Variants in EMILIN2 observed in about 807,000 individuals in gnomAD.
EMILIN2 encodes EMILIN-2.
Under a neutral mutation model 87.1 loss-of-function variants are expected in EMILIN2, and 71 were observed. That is an observed-to-expected ratio of 0.82 (90% confidence interval 0.67 to 0.99). EMILIN2 has a LOEUF of 0.99. Ranked by LOEUF, EMILIN2 falls within the 50% of genes least tolerant of loss-of-function variation. The pLI is 0.00. For missense variants in EMILIN2, 1,407 were observed against 1,371.8 expected (o/e 1.03, Z -0.40); for synonymous variants, 581 against 563.4 (o/e 1.03, Z -0.44).
intron 2 of EMILIN2, among the ~76,000 whole-genome samples, chr18:2,858,559 A>ATGTGTGTGTGTGTG (rs2076641616): frequency 1.5e-5 from 1 of 67,180 alleles, no homozygotes; most frequent in African/African-American, 1.2e-4. Context: ...ATATATATAT[A>ATGTGTGTGTGTGTG]TATATATATA....
intron 2 of EMILIN2, among the ~76,000 whole-genome samples, chr18:2,871,560 G>A (rs188433741): frequency 1.1e-3 from 164 of 152,316 alleles, no homozygotes; most frequent in Admixed American, 2.4e-3. Flanking sequence ...GCCTGGGACC[G>A]CAGTTCCTCC....
chr18:2,914,188 T>C lies in EMILIN2; in HGVS notation c.*784T>C, dbSNP rs1255076475. 6.6e-6 allele frequency: 1 copy of C among 152,454 alleles called. No homozygotes were observed. The highest frequency in any genetic ancestry group is 2.4e-5 in the African/African-American group (1 of 41,432). 9.4% of individuals were successfully genotyped at this position (152,454 alleles called of 1,614,324 possible). On this transcript the variant is annotated 3_prime_UTR_variant, in exon 8 of 8. Coordinates refer to ENST00000254528, the MANE Select transcript of EMILIN2 (RefSeq NM_032048.3). The stretch of plus-strand genomic sequence containing the variant: ...CTACAGAAAGTAACCTTGAGTAAAA[T>C]TAATCTCAGCTACAAAACTGTTACC...
chr18:2,898,600 G>A (rs1388250564), intron 4 of EMILIN2, among the ~76,000 whole-genome samples: 2 of 152,144 alleles, frequency 1.3e-5, no homozygotes, highest in African/African-American at 2.4e-5. Context: ...TCCTTTTTCT[G>A]CTCTCCCACC....
At chr18:2,850,956 G>A (rs1234194423) in intron 2 of EMILIN2, among the ~76,000 whole-genome samples, 1 of 152,160 alleles carries the variant, frequency 6.6e-6, no homozygotes, top group African/African-American at 2.4e-5. Context: ...TGAGCAGGAA[G>A]CAATTGTTTC....
In EMILIN2 at chr18:2,906,824, C is replaced by G. The variant is rs966645542; in HGVS notation, c.2401C>G (p.Pro801Ala). 109 of 1,322,812 alleles carry G rather than the reference C, an allele frequency of 8.2e-5. No individual in the cohort carries two copies. In the African/African-American group the frequency reaches 1.6e-3, roughly 20 times the overall value. 81.9% of individuals were successfully genotyped at this position (1,322,812 alleles called of 1,614,324 possible). ...GCCGCCCGCAGAGGCCCCGAAGGAG[C>G]CGCTGCAGCCCGAGCCCGCCCCGCC... ...PPPPAEAPKE[P>A]LQPEPAPPRP... The change falls in exon 5 of 8, where the codon CCG (proline) becomes GCG (alanine). Residue 801 changes from proline (P) to alanine (A), a missense_variant. Pro to Ala is a conservative substitution (Grantham distance 27). Transcript: ENST00000254528.
Position 2,891,857 on chromosome 18 carries a change from G to A in EMILIN2, c.1730G>A (p.Arg577His), listed in dbSNP as rs146514476. Residue 577 changes from arginine (R) to histidine (H), a missense_variant, in exon 4 of 8, where the codon CGC becomes CAC. Coordinates refer to ENST00000254528, the MANE Select transcript of EMILIN2 (RefSeq NM_032048.3). This position sits in a 1 kb window ranked among gnomAD's most constrained non-coding sequence, Gnocchi z 4.6. ...ALPNREDRAVRDSLHLLKSLN... is the reference protein window; with the variant it reads ...ALPNREDRAVHDSLHLLKSLN... ...CCAAACAGGGAAGACCGCGCAGTAC[G>A]CGACAGCCTGCACCTTTTGAAATCT... The A allele has an allele frequency of 2.1e-5, 34 of 1,614,124 alleles. No individual in the cohort carries two copies. The highest frequency in any genetic ancestry group is 2.1e-5 in the Non-Finnish European group (25 of 1,180,046).
intron 2 of EMILIN2, among the ~76,000 whole-genome samples, chr18:2,855,754 G>A (rs7233054): frequency 0.081 from 12,346 of 152,178 alleles, 1,693 homozygotes; most frequent in African/African-American, 0.28. Flanking sequence ...CACTTAGCCC[G>A]TCTGAGGCAC....
chr18:2,849,289 G>C (rs2076592009), intron 2 of EMILIN2, among the ~76,000 whole-genome samples: 1 of 152,132 alleles, frequency 6.6e-6, no homozygotes. Context: ...TTTAAAATTA[G>C]AATTGAGTTA....
intron 2 of EMILIN2, among the ~76,000 whole-genome samples, chr18:2,867,742 G>A (rs2076693884): frequency 1.3e-5 from 2 of 151,356 alleles, no homozygotes; most frequent in Admixed American, 1.3e-4. Flanking sequence ...AGTCTCCCAT[G>A]TCTACTTCTT....
intron 4 of EMILIN2, 78 bp downstream of exon 4, chr18:2,892,564 A>G: frequency 6.7e-7 from 1 of 1,492,808 alleles, no homozygotes; most frequent in Admixed American, 2.2e-5. Flanking sequence ...TTTTTTGTTC[A>G]TTTTTGATAT....
Position 2,913,118 on chromosome 18 carries a change from C to A in EMILIN2, c.2876C>A (p.Thr959Asn). Reference sequence around the variant, plus strand: ...CGCTACCTGATCACGGCCACCCTCACCCCCGAGAGAGACGCCTACGTGGAA... The same window carrying A: ...CGCTACCTGATCACGGCCACCCTCAACCCCGAGAGAGACGCCTACGTGGAA... ...DGRYLITATL[T>N]PERDAYVEAV... The change falls in exon 8 of 8, where the codon ACC becomes AAC. Residue 959 changes from threonine to asparagine, a missense_variant. Coordinates refer to ENST00000254528, the MANE Select transcript of EMILIN2 (RefSeq NM_032048.3). 1 of 1,613,214 alleles carries A rather than the reference C, an allele frequency of 6.2e-7. No homozygotes were observed. The highest frequency in any genetic ancestry group is 8.5e-7 in the Non-Finnish European group (1 of 1,180,036).
In EMILIN2 at chr18:2,880,008, A is replaced by G. The variant is rs1002641239; in HGVS notation, c.258-4956A>G. Among the ~76,000 whole-genome samples, 1 of 152,166 alleles carries G rather than the reference A, an allele frequency of 6.6e-6. No individual in the cohort carries two copies. The highest frequency in any genetic ancestry group is 1.5e-5 in the Non-Finnish European group (1 of 68,040). ...AGGCATGAGCCACTGTGCCCAGCCT[A>G]GTATATTAATTTTTAAAAATGGGAT... On this transcript the variant is annotated intron_variant, in intron 2 of 7. Transcript: ENST00000254528. The surrounding 1 kb of genome is among the most constrained non-coding windows in gnomAD (Gnocchi z 4.1).
chr18:2,864,558 T>C (rs2076677012), intron 2 of EMILIN2, among the ~76,000 whole-genome samples: 1 of 152,080 alleles, frequency 6.6e-6, no homozygotes, highest in South Asian at 2.1e-4. Flanking sequence ...CCCCACTCTC[T>C]TCTTGTAGAG....
chr18:2,912,233 G>T (rs1317043407), intron 7 of EMILIN2, among the ~76,000 whole-genome samples: 1 of 151,868 alleles, frequency 6.6e-6, no homozygotes, highest in Non-Finnish European at 1.5e-5. Context: ...GTAGAGATGG[G>T]GTTATCCGTG....
At chr18:2,911,363 T>C (rs1322934699) in intron 7 of EMILIN2, among the ~76,000 whole-genome samples, 1 of 152,176 alleles carries the variant, frequency 6.6e-6, no homozygotes, top group Non-Finnish European at 1.5e-5. Context: ...AGTCAAGTGT[T>C]CCCAGGAGGT....
chr18:2,847,788 CCTCT>C lies in EMILIN2; in HGVS notation c.135-15_135-12del, dbSNP rs1322270784. On this transcript the variant is annotated splice_polypyrimidine_tract_variant and intron_variant, in intron 1 of 7. Coordinates refer to ENST00000254528, the MANE Select transcript of EMILIN2 (RefSeq NM_032048.3). The surrounding 1 kb of genome is among the most constrained non-coding windows in gnomAD (Gnocchi z 4.5). ...TCCGGGTTTACCCCGTGCCCCTCTCCCTCTCTCTCCTGCACCCCAGGAACTGGTG... is the reference window on the plus strand; with the variant it reads ...TCCGGGTTTACCCCGTGCCCCTCTCCCTCTCCTGCACCCCAGGAACTGGTG... The C allele has an allele frequency of 6.2e-7, 1 of 1,611,300 alleles. No individual in the cohort carries two copies. The highest frequency in any genetic ancestry group is 1.7e-5 in the Admixed American group (1 of 59,982).
At chr18:2,911,454 GATCTT>G (rs1453279887) in intron 7 of EMILIN2, among the ~76,000 whole-genome samples, 1 of 152,228 alleles carries the variant, frequency 6.6e-6, no homozygotes, top group African/African-American at 2.4e-5. Flanking sequence ...CAACTCCGGA[GATCTT>G]ATCTGGAAGC....
upstream of EMILIN2, chr18:2,846,716 CG>C: frequency 5.1e-6 from 5 of 983,496 alleles, no homozygotes; most frequent in Non-Finnish European, 6.0e-6. The surrounding 1 kb of genome is among the most constrained non-coding windows in gnomAD (Gnocchi z 5.3). Context: ...GGCCGCGTCC[CG>C]GGGGGCCGGG....
At chr18:2,908,853 C>A in intron 5 of EMILIN2, 90 bp from the exon 6 acceptor site, 2 of 1,497,304 alleles carry the variant, frequency 1.3e-6, no homozygotes, top group Non-Finnish European at 1.9e-6. Flanking sequence ...TCGATTTGAA[C>A]TTGTGAGGAG....
Sources: gnomAD v4.1 joint callset for allele counts (sites outside exome capture counted in the v4.1 genomes callset) on GRCh38, gnomAD v4.1.1 for gene constraint, Gnocchi (gnomAD v3.1) non-coding constraint, MANE v1.5 for transcripts, NCBI Gene and HGNC (gene_info 2026-07-23, HGNC 2026-07-21) for gene names.